Variants in GALNT13 observed in about 807,000 individuals in gnomAD.
GALNT13 encodes polypeptide N-acetylgalactosaminyltransferase 13, also known as UDP-GalNAc:polypeptide N-acetylgalactosaminyltransferase 13.
In GALNT13, 28 loss-of-function variants were observed where a neutral mutation model predicts 64.2. The observed-to-expected ratio is 0.44, with a 90% confidence interval of 0.32 to 0.60. The LOEUF is 0.60. Ranked by LOEUF, GALNT13 falls within the 20% of genes least tolerant of loss-of-function variation. GALNT13 has a pLI of 0.05. For missense variants in GALNT13, 577 were observed against 669.8 expected, an observed-to-expected ratio of 0.86 and a Z score of 1.53; for synonymous variants, 214 against 224.6, an observed-to-expected ratio of 0.95 and a Z score of 0.42.
At chr2:153,305,755 A>G in the GALNT13 span, among the ~76,000 whole-genome samples, 3 of 152,300 alleles carry the variant, frequency 2.0e-5, no homozygotes, top group Admixed American at 2.0e-4. Context: ...AGTGTTGAGC[A>G]TTCCGTTTAC....
the GALNT13 span, among the ~76,000 whole-genome samples, chr2:153,392,936 A>G: frequency 1.3e-5 from 2 of 152,190 alleles, no homozygotes; most frequent in South Asian, 2.1e-4. Flanking sequence ...CATTTCCACC[A>G]TATTTGCCAC....
At chr2:153,909,523 G>C (rs368329383) in intron 2 of GALNT13, among the ~76,000 whole-genome samples, 1 of 151,722 alleles carries the variant, frequency 6.6e-6, no homozygotes, top group Non-Finnish European at 1.5e-5. Context: ...GGCTTTTCAA[G>C]GGTAATGCTT....
At chr2:153,914,266 T>A (rs1461796944) in intron 2 of GALNT13, among the ~76,000 whole-genome samples, 2 of 152,022 alleles carry the variant, frequency 1.3e-5, no homozygotes, top group East Asian at 3.9e-4. Flanking sequence ...AATGATGTCC[T>A]TGAGGTCAGG....
chr2:154,023,693 G>C (rs1430352336), intron 3 of GALNT13, among the ~76,000 whole-genome samples: 2 of 152,042 alleles, frequency 1.3e-5, no homozygotes, highest in African/African-American at 2.4e-5. Context: ...AGCCCATTTA[G>C]ATTTAAAGTT....
chr2:154,356,484 T>A lies in GALNT13; in HGVS notation c.1157-39507T>A, dbSNP rs879531032. Among the ~76,000 whole-genome samples, 652 of 152,104 alleles carry A rather than the reference T, an allele frequency of 4.3e-3. 3 individuals carry two copies. Among genetic ancestry groups the A allele is most frequent in the African/African-American group, 0.015 (612 of 41,526 alleles). On this transcript the variant is annotated intron_variant, in intron 9 of 12. Transcript: ENST00000392825. Reference sequence around the variant, plus strand: ...TGAGAAATTATTTTGAAAAAAATTGTATAGGGTGGATGTCACAGAGTATTC... The same window carrying A: ...TGAGAAATTATTTTGAAAAAAATTGAATAGGGTGGATGTCACAGAGTATTC...
chr2:153,467,066 C>T, the GALNT13 span, among the ~76,000 whole-genome samples: 126 of 152,110 alleles, frequency 8.3e-4, 2 homozygotes, highest in East Asian at 0.02. Context: ...TAAGCTCCAA[C>T]ATATTCGAAT....
chr2:154,172,566 T>C (rs956806391), intron 4 of GALNT13, among the ~76,000 whole-genome samples: 4 of 152,106 alleles, frequency 2.6e-5, no homozygotes, highest in Non-Finnish European at 5.9e-5. Flanking sequence ...TCTTGGCTTA[T>C]TTCATTTAAC....
chr2:153,476,995 C>T, the GALNT13 span, among the ~76,000 whole-genome samples: 1 of 152,328 alleles, frequency 6.6e-6, no homozygotes, highest in African/African-American at 2.4e-5. Context: ...GCGGTGTAAT[C>T]CTGTGTTCCC....
the GALNT13 span, among the ~76,000 whole-genome samples, chr2:153,614,067 G>C: frequency 4.6e-3 from 696 of 151,994 alleles, 4 homozygotes; most frequent in African/African-American, 0.016. Context: ...CTGAAGAATG[G>C]CTATTACTGG....
the GALNT13 span, among the ~76,000 whole-genome samples, chr2:153,630,699 A>T: frequency 2.8e-5 from 4 of 141,606 alleles, no homozygotes; most frequent in Admixed American, 2.9e-4. Flanking sequence ...AAAAAAAATT[A>T]ATTCAAGATG....
intron 11 of GALNT13, among the ~76,000 whole-genome samples, chr2:154,413,461 T>A (rs1699878508): frequency 6.6e-6 from 1 of 151,916 alleles, no homozygotes; most frequent in Non-Finnish European, 1.5e-5. Flanking sequence ...GTTTAACATC[T>A]CATTAAATAT....
the GALNT13 span, among the ~76,000 whole-genome samples, chr2:153,597,968 C>G: frequency 1.5e-3 from 226 of 152,156 alleles, no homozygotes; most frequent in Non-Finnish European, 2.5e-3. Context: ...TTAGAACCCT[C>G]ATATACTACT....
chr2:153,978,694 A>G (rs926150405), intron 3 of GALNT13, among the ~76,000 whole-genome samples: 3 of 152,196 alleles, frequency 2.0e-5, no homozygotes, highest in African/African-American at 4.8e-5. Context: ...TTGAAGTCCA[A>G]TTAAACCTCT....
At chr2:153,547,453 G>A in the GALNT13 span, among the ~76,000 whole-genome samples, 1 of 152,096 alleles carries the variant, frequency 6.6e-6, no homozygotes, top group African/African-American at 2.4e-5. Context: ...TAAAATCCAA[G>A]GCTGAGAAAT....
chr2:153,605,400 A>T, the GALNT13 span, among the ~76,000 whole-genome samples: 48 of 152,220 alleles, frequency 3.2e-4, 1 homozygote, highest in East Asian at 9.3e-3. Flanking sequence ...TTTCTCTGTT[A>T]TTATGAACTG....
At chr2:153,523,303 G>C in the GALNT13 span, among the ~76,000 whole-genome samples, 1 of 152,020 alleles carries the variant, frequency 6.6e-6, no homozygotes, top group Admixed American at 6.5e-5. Context: ...GGCTATCTGA[G>C]TCATTTACTT....
the GALNT13 span, among the ~76,000 whole-genome samples, chr2:153,465,925 C>A: frequency 6.6e-6 from 1 of 152,050 alleles, no homozygotes. Flanking sequence ...AATCTCCTAA[C>A]TCAGGGTGGG....
the GALNT13 span, among the ~76,000 whole-genome samples, chr2:153,139,226 C>T: frequency 1.3e-5 from 2 of 152,026 alleles, no homozygotes; most frequent in East Asian, 3.9e-4. Flanking sequence ...ATTCTGTTAG[C>T]CCCTAGAATA....
At chr2:154,232,320 C>G (rs1688959741) in intron 4 of GALNT13, among the ~76,000 whole-genome samples, 1 of 152,078 alleles carries the variant, frequency 6.6e-6, no homozygotes, top group Non-Finnish European at 1.5e-5. Context: ...CTGCTCTGTT[C>G]TGCTTCTCTC....
Sources: gnomAD v4.1 joint callset for allele counts (sites outside exome capture counted in the v4.1 genomes callset) on GRCh38, gnomAD v4.1.1 for gene constraint, MANE v1.5 for transcripts, NCBI Gene and HGNC (gene_info 2026-07-23, HGNC 2026-07-21) for gene names.